The following SERPINB11 variants were observed in gnomAD, a reference collection of about 807,000 sequenced individuals.
The protein encoded by SERPINB11 is serpin family B member 11.
In SERPINB11, 32 loss-of-function variants were observed where a neutral mutation model predicts 36.7. The ratio of observed to expected loss-of-function variants is 0.87; its 90% CI spans 0.66 to 1.17. The LOEUF (loss-of-function observed/expected upper bound fraction) is 1.17, where lower values mean the gene tolerates loss of function less well. Ranked by LOEUF, SERPINB11 falls within the 50% of genes most tolerant of loss-of-function variation. The probability of loss-of-function intolerance (pLI) is 0.00; values close to 1 mark genes in which losing one functional copy is unlikely to be tolerated. For missense variants in SERPINB11, 528 were observed against 458.4 expected (o/e 1.15, Z -1.39); for synonymous variants, 174 against 168.1 (o/e 1.04, Z -0.27).
chr18:63,720,239 TA>T lies in SERPINB11; in HGVS notation c.618+85del, dbSNP rs1914772665. 3 of 1,204,446 alleles carry T rather than the reference TA, an allele frequency of 2.5e-6. No individual in the cohort carries two copies. The Admixed American group carries it at 7.4e-5, about 30-fold the overall frequency. The allele number at this position is 1,204,446 out of a possible 1,614,324, so 74.6% of individuals were successfully genotyped here. ...GACAATTTAGAAAGATGTAGTGATT[TA>T]GTGAAAATATTGGTCTAGGTTTCTG... is the stretch of plus-strand genomic sequence containing the variant. On this transcript the variant is annotated intron_variant, in intron 6 of 7. Transcript: ENST00000544088.
intron 5 of SERPINB11, among the ~76,000 whole-genome samples, chr18:63,717,438 G>A (rs1443105150): frequency 6.6e-6 from 1 of 151,984 alleles, no homozygotes; most frequent in Non-Finnish European, 1.5e-5. Context: ...TTCAATTGTA[G>A]TAGATGCCAA....
intron 5 of SERPINB11, among the ~76,000 whole-genome samples, chr18:63,717,945 G>T (rs766051728): frequency 6.6e-6 from 1 of 151,902 alleles, no homozygotes; most frequent in Non-Finnish European, 1.5e-5. Context: ...AAATATTTTC[G>T]TATGTTATTT....
intron 5 of SERPINB11, among the ~76,000 whole-genome samples, chr18:63,718,920 C>A (rs919846662): frequency 1.3e-5 from 2 of 151,890 alleles, no homozygotes; most frequent in Non-Finnish European, 2.9e-5. Context: ...CTCTCTTGTG[C>A]TAACTCTAAT....
At chr18:63,719,913 T>C in intron 5 of SERPINB11, 100 bp from the exon 6 acceptor site, 1 of 925,552 alleles carries the variant, frequency 1.1e-6, no homozygotes. Flanking sequence ...AATTTACAAT[T>C]AGTCTTAAAA....
rs779964738 is a variant in SERPINB11, at chr18:63,716,037, A to G, written c.360A>G (p.Gln120=). 3.8e-6 allele frequency: 6 copies of G among 1,596,554 alleles called. No individual in the cohort carries two copies. Among genetic ancestry groups the G allele is most frequent in the African/African-American group, 2.7e-5 (2 of 74,560 alleles). ...YGTKTMAFHQ[Q]YLSCSEKWYQ... ...TTCAATTATCATGTCTTTCATAGCA[A>G]TATTTAAGCTGTTCTGAGAAATGGT... The change falls in exon 5 of 8, where the codon CAA becomes CAG. Residue 120 remains glutamine (Q), a splice_region_variant and synonymous_variant. Coordinates refer to ENST00000544088, the MANE Select transcript of SERPINB11 (RefSeq NM_001370475.1).
At chr18:63,715,209 G>T (rs1210869896) in intron 4 of SERPINB11, among the ~76,000 whole-genome samples, 1 of 152,102 alleles carries the variant, frequency 6.6e-6, no homozygotes, top group Non-Finnish European at 1.5e-5. Flanking sequence ...GGCTGTGGAG[G>T]TATGCTCCTT....
rs752407130 is a variant in SERPINB11, at chr18:63,716,094, A to C, written c.417A>C (p.Glu139Asp). ...YQARLQTVDF[E>D]QSTEETRKTI... ...CCAGGTTGCAAACTGTGGATTTTGA[A>C]CAGTCTACAGAAGAAACGAGGAAAA... Residue 139 changes from glutamate to aspartate, a missense_variant, in exon 5 of 8, where the codon GAA becomes GAC. Transcript: ENST00000544088. 122 of 1,612,412 alleles carry C rather than the reference A, an allele frequency of 7.6e-5. No homozygotes were observed. The Admixed American group carries it at 1.9e-3, about 25-fold the overall frequency.
chr18:63,723,712 G>T lies in SERPINB11; in HGVS notation c.*313G>T. 1 of 238,058 alleles carries T rather than the reference G, an allele frequency of 4.2e-6. No individual in the cohort carries two copies. The allele number at this position is 238,058 out of a possible 1,614,324, so 14.7% of individuals were successfully genotyped here. On this transcript the variant is annotated 3_prime_UTR_variant, in exon 8 of 8. Coordinates refer to ENST00000544088, the MANE Select transcript of SERPINB11 (RefSeq NM_001370475.1). ...TTAAGGGATTAGATTTTCTTGACTT[G>T]TATGTATCTGTGAGATCTTGAATAA...
intron 1 of SERPINB11, chr18:63,705,760 C>T (rs1469809897): frequency 6.6e-6 from 1 of 152,208 alleles, no homozygotes; most frequent in Non-Finnish European, 1.5e-5. Context: ...ATAACAACAA[C>T]AGGACATAAA....
chr18:63,723,888 A>G lies in SERPINB11; in HGVS notation c.*489A>G, dbSNP rs1347775206. On this transcript the variant is annotated 3_prime_UTR_variant, in exon 8 of 8. Transcript: ENST00000544088. Reference sequence around the variant, plus strand: ...AATAATAAATGCATGAAATACCTTAAAGCTCTGTGAAGACTTGTAACATGG... The same window carrying G: ...AATAATAAATGCATGAAATACCTTAGAGCTCTGTGAAGACTTGTAACATGG... 1.9e-5 allele frequency: 3 copies of G among 154,866 alleles called. No individual in the cohort carries two copies. The highest frequency in any genetic ancestry group is 4.4e-5 in the Non-Finnish European group (3 of 68,916). 9.6% of individuals were successfully genotyped at this position (154,866 alleles called of 1,614,324 possible).
rs1215840518 is a variant in SERPINB11, at chr18:63,723,215, T to A, written c.995T>A (p.Ile332Asn). 7.4e-6 allele frequency: 12 copies of A among 1,613,714 alleles called. No homozygotes were observed. Among genetic ancestry groups the A allele is most frequent in the Non-Finnish European group, 9.3e-6 (11 of 1,179,838 alleles). Residue 332 changes from isoleucine to asparagine, a missense_variant, in exon 8 of 8, where the codon ATC becomes AAC. Coordinates refer to ENST00000544088, the MANE Select transcript of SERPINB11 (RefSeq NM_001370475.1). ...AAGGGCCTATATTTATCAAAAGCCA[T>A]CCACAAGTCATACCTGGATGTCAGC... ...PTKGLYLSKAIHKSYLDVSEE... is the reference protein window; with the variant it reads ...PTKGLYLSKANHKSYLDVSEE...
At chr18:63,721,316 T>C (rs1296966521) in intron 7 of SERPINB11, among the ~76,000 whole-genome samples, 4 of 151,884 alleles carry the variant, frequency 2.6e-5, no homozygotes, top group African/African-American at 4.8e-5. Flanking sequence ...CTATTTGGGC[T>C]CCTAGTGTGC....
chr18:63,723,434 T>G lies in SERPINB11; in HGVS notation c.*35T>G. The stretch of plus-strand genomic sequence containing the variant: ...GTTGAGCAAGGCTCAGAGTTGCAGA[T>G]GAGGTGCAGAGACAATCCTGTGACT... On this transcript the variant is annotated 3_prime_UTR_variant, in exon 8 of 8. Coordinates refer to ENST00000544088, the MANE Select transcript of SERPINB11 (RefSeq NM_001370475.1). 1.3e-6 allele frequency: 2 copies of G among 1,549,968 alleles called. No individual in the cohort carries two copies. Among genetic ancestry groups the G allele is most frequent in the Non-Finnish European group, 1.7e-6 (2 of 1,144,156 alleles).
At chr18:63,716,257 G>A in intron 5 of SERPINB11, 105 bp downstream of exon 5, 1 of 612,452 alleles carries the variant, frequency 1.6e-6, no homozygotes, top group Non-Finnish European at 2.8e-6. Flanking sequence ...CCTGACATAG[G>A]CAGATCAGCA....
rs61746419 is a variant in SERPINB11 at position 63,720,904 on chromosome 18, T to C, written c.692T>C (p.Met231Thr). 16 of 1,601,550 alleles carry C rather than the reference T, an allele frequency of 1.0e-5. No homozygotes were observed. The Admixed American group carries it at 1.2e-4, about 12-fold the overall frequency. The change falls in exon 7 of 8, where the codon ATG becomes ACG. Residue 231 changes from methionine (M) to threonine (T), a missense_variant. Met to Thr is a moderately conservative substitution (Grantham distance 81). Transcript: ENST00000544088. The stretch of plus-strand genomic sequence containing the variant: ...CTGGCCTTTGTAAAGGAGCCGCAGA[T>C]GCAAGTTCTTGAGCTGCCCTACGTT... ...FKLAFVKEPQMQVLELPYVNN... is the reference protein window; with the variant it reads ...FKLAFVKEPQTQVLELPYVNN...
chr18:63,711,526 T>A, intron 3 of SERPINB11, 132 bp downstream of exon 3: 1 of 666,970 alleles, frequency 1.5e-6, no homozygotes, highest in Non-Finnish European at 2.7e-6. Context: ...CCTTTAACCT[T>A]CCTGATGATA....
intron 1 of SERPINB11, among the ~76,000 whole-genome samples, chr18:63,703,268 G>A (rs1285966806): frequency 2.0e-5 from 3 of 152,140 alleles, no homozygotes; most frequent in East Asian, 1.9e-4. Context: ...ATGGAACTCC[G>A]TTGATATTTT....
At chr18:63,709,403 A>C (rs1676299560) in intron 1 of SERPINB11, among the ~76,000 whole-genome samples, 1 of 152,224 alleles carries the variant, frequency 6.6e-6, no homozygotes, top group East Asian at 1.9e-4. Context: ...CGAGGTCAGG[A>C]GGTCGAGACC....
chr18:63,706,464 T>G (rs1037856328), intron 1 of SERPINB11, among the ~76,000 whole-genome samples: 1 of 152,216 alleles, frequency 6.6e-6, no homozygotes, highest in Non-Finnish European at 1.5e-5. Flanking sequence ...TATTGGCCTT[T>G]GTCACAGTGT....
Sources: allele counts gnomAD v4.1 joint callset (sites outside exome capture counted in the v4.1 genomes callset), GRCh38; gene constraint gnomAD v4.1.1; transcripts MANE v1.5; gene names NCBI Gene and HGNC (gene_info 2026-07-23, HGNC 2026-07-21).